NAA25: variants seen among roughly 807,000 people sequenced by gnomAD.
NAA25 encodes the protein N-alpha-acetyltransferase 25, NatB auxiliary subunit, also known as N-terminal acetyltransferase B complex subunit NAA25.
In NAA25, 30 loss-of-function variants were observed where a neutral mutation model predicts 132.5. That is an observed-to-expected ratio of 0.23 (90% CI 0.17 to 0.31). The LOEUF is 0.31. Among genes scored for constraint, NAA25 ranks in the 10% least tolerant of loss-of-function variants. The pLI is 1.00. For missense variants in NAA25, 771 were observed against 1,150.4 expected, an observed-to-expected ratio of 0.67 and a Z score of 4.77; for synonymous variants, 359 against 401.9, an observed-to-expected ratio of 0.89 and a Z score of 1.28.
At chr12:112,076,408 G>T (rs1370544779) in intron 7 of NAA25, among the ~76,000 whole-genome samples, 2 of 152,062 alleles carry the variant, frequency 1.3e-5, no homozygotes, top group African/African-American at 2.4e-5. Context: ...ACAGCATCTA[G>T]GGACTAGTAA....
intron 18 of NAA25, 90 bp from the exon 19 acceptor site, chr12:112,043,301 G>A: frequency 7.3e-7 from 1 of 1,365,442 alleles, no homozygotes; most frequent in Non-Finnish European, 9.8e-7. Context: ...ATAAAAACCT[G>A]TCTCAGCGGT....
At chr12:112,033,790 G>GA (rs1375931579) in intron 22 of NAA25, 17 of 148,296 alleles carry the variant, frequency 1.1e-4, no homozygotes, top group South Asian at 2.1e-4. Context: ...ATAACAAACT[G>GA]AAAAAAAAAC....
chr12:112,088,553 C>T (rs1308997454), intron 3 of NAA25, among the ~76,000 whole-genome samples: 2 of 151,344 alleles, frequency 1.3e-5, no homozygotes, highest in African/African-American at 2.4e-5. Context: ...TTTATTAACA[C>T]ATAATGTAGT....
At chr12:112,044,004 T>C in intron 17 of NAA25, 136 bp from the exon 18 acceptor site, 1 of 821,056 alleles carries the variant, frequency 1.2e-6, no homozygotes, top group Non-Finnish European at 1.8e-6. Context: ...CTCTGCTCAC[T>C]GCAAGCTCTG....
chr12:112,042,276 A>G, intron 19 of NAA25, 172 bp from the exon 20 acceptor site: 1 of 342,282 alleles, frequency 2.9e-6, no homozygotes, highest in East Asian at 4.8e-5. Flanking sequence ...TGAAAGGAAA[A>G]GGAAGAATAA....
At chr12:112,074,213 C>A (rs2078859573) in intron 9 of NAA25, among the ~76,000 whole-genome samples, 1 of 151,756 alleles carries the variant, frequency 6.6e-6, no homozygotes, top group Non-Finnish European at 1.5e-5. Context: ...CGGCGGTGGG[C>A]ACCTATAGTC....
chr12:112,062,287 G>A (rs1023162639), intron 11 of NAA25, among the ~76,000 whole-genome samples: 11 of 151,684 alleles, frequency 7.3e-5, no homozygotes, highest in Non-Finnish European at 1.2e-4. Flanking sequence ...TGTAATCCCC[G>A]CTACTCAGGA....
chr12:112,043,541 A>G, intron 18 of NAA25, 84 bp downstream of exon 18: 4 of 1,472,848 alleles, frequency 2.7e-6, no homozygotes, highest in Non-Finnish European at 3.7e-6. Flanking sequence ...ATTCCTTACT[A>G]CTCACCCACC....
chr12:112,043,526 A>C, intron 18 of NAA25, 99 bp downstream of exon 18: 1 of 1,390,352 alleles, frequency 7.2e-7, no homozygotes, highest in Non-Finnish European at 9.9e-7. Flanking sequence ...AACTGGGACA[A>C]AACAATTCCT....
At chr12:112,052,727 C>A (rs368513371) in intron 15 of NAA25, among the ~76,000 whole-genome samples, 2 of 152,122 alleles carry the variant, frequency 1.3e-5, no homozygotes, top group South Asian at 4.1e-4. Context: ...CAAGAAGAAC[C>A]CCAGAAACTA....
At chr12:112,063,786 TAAC>T (rs892124537) in intron 11 of NAA25, 3 of 152,204 alleles carry the variant, frequency 2.0e-5, no homozygotes, top group East Asian at 1.9e-4. Context: ...TGGAGGAAAA[TAAC>T]AAAAAATTTA....
intron 19 of NAA25, among the ~76,000 whole-genome samples, chr12:112,042,558 G>A (rs1198690504): frequency 6.6e-6 from 1 of 151,206 alleles, no homozygotes; most frequent in Non-Finnish European, 1.5e-5. Flanking sequence ...CCAGGCTGGA[G>A]TGCAGTGGTG....
At chr12:112,036,233 AG>A (rs1255082342) in intron 22 of NAA25, among the ~76,000 whole-genome samples, 3 of 152,232 alleles carry the variant, frequency 2.0e-5, no homozygotes, top group African/African-American at 7.2e-5. Context: ...ATTAATAAAA[AG>A]TAATCTCAGT....
chr12:112,071,836 A>ACG, intron 10 of NAA25, 59 bp downstream of exon 10: 1 of 1,198,000 alleles, frequency 8.3e-7, no homozygotes, highest in African/African-American at 2.4e-5. Flanking sequence ...CAACTAATGA[A>ACG]TATAGCACTT....
At chr12:112,081,322 A>G (rs1453353981) in intron 4 of NAA25, among the ~76,000 whole-genome samples, 188 bp from the exon 5 acceptor site, 1 of 152,224 alleles carries the variant, frequency 6.6e-6, no homozygotes. Context: ...TCATGTTATG[A>G]GTGATACTTT....
intron 23 of NAA25, among the ~76,000 whole-genome samples, chr12:112,030,852 G>A (rs1252105897): frequency 1.3e-5 from 2 of 152,112 alleles, no homozygotes; most frequent in Non-Finnish European, 2.9e-5. Context: ...CAACAGCAGT[G>A]GTGCATTTAT....
At chr12:112,093,248 A>C in intron 1 of NAA25, 112 bp from the exon 2 acceptor site, 3 of 640,700 alleles carry the variant, frequency 4.7e-6, no homozygotes, top group Non-Finnish European at 8.1e-6. Flanking sequence ...GCTATATAAA[A>C]CATCATGGAG....
At chr12:112,033,832 T>C (rs1240120260) in intron 22 of NAA25, 1 of 152,012 alleles carries the variant, frequency 6.6e-6, no homozygotes, top group African/African-American at 2.4e-5. Context: ...TTAGTAACAT[T>C]ATTATGTTAA....
intron 10 of NAA25, among the ~76,000 whole-genome samples, chr12:112,071,142 C>G (rs1205260103): frequency 6.6e-6 from 1 of 152,056 alleles, no homozygotes; most frequent in Admixed American, 6.5e-5. Flanking sequence ...CCTCGGCCTC[C>G]CAAAGTGCTG....
Sources: allele counts gnomAD v4.1 joint callset (sites outside exome capture counted in the v4.1 genomes callset), GRCh38; gene constraint gnomAD v4.1.1; transcripts MANE v1.5; gene names NCBI Gene and HGNC (gene_info 2026-07-23, HGNC 2026-07-21).